The following MYLK variants were observed in gnomAD, a reference collection of about 807,000 sequenced individuals.
The protein encoded by MYLK is myosin light chain kinase, smooth muscle.
MYLK carries 106 observed loss-of-function variants against 203.4 expected under a neutral mutation model. The observed-to-expected ratio is 0.52, with a 90% CI of 0.45 to 0.61. The LOEUF is 0.61. Among genes scored for constraint, MYLK ranks in the 20% least tolerant of loss-of-function variants. The probability of loss-of-function intolerance (pLI) is 0.00; values close to 1 mark genes in which losing one functional copy is unlikely to be tolerated. For missense variants in MYLK, 2,072 were observed against 2,442.3 expected, an observed-to-expected ratio of 0.85 and a Z score of 3.20; for synonymous variants, 867 against 959.5, an observed-to-expected ratio of 0.90 and a Z score of 1.78.
intron 20 of MYLK, among the ~76,000 whole-genome samples, chr3:123,677,918 T>TATATAC (rs1273803739): frequency 0.012 from 965 of 78,598 alleles, 25 homozygotes; most frequent in African/African-American, 0.048. Flanking sequence ...TATATATATA[T>TATATAC]ACACACACAC....
intron 24 of MYLK, among the ~76,000 whole-genome samples, chr3:123,655,747 C>T (rs1250834890): frequency 1.3e-5 from 2 of 152,228 alleles, no homozygotes; most frequent in African/African-American, 4.8e-5. Flanking sequence ...AGTAGCTTCT[C>T]CCCTCTAAAT....
At chr3:123,639,237 C>T (rs747380866) in intron 28 of MYLK, among the ~76,000 whole-genome samples, 4 of 152,232 alleles carry the variant, frequency 2.6e-5, no homozygotes, top group Admixed American at 1.3e-4. Flanking sequence ...GTGAGCAGAG[C>T]AGAGCAGGCA....
At chr3:123,615,482 C>T (rs145502888) in intron 33 of MYLK, among the ~76,000 whole-genome samples, 157 of 151,726 alleles carry the variant, frequency 1.0e-3, no homozygotes, top group African/African-American at 3.4e-3. Context: ...TACAGGTGCA[C>T]GCCACGACAC....
intron 27 of MYLK, among the ~76,000 whole-genome samples, chr3:123,645,245 A>AT (rs1293390352): frequency 2.0e-5 from 3 of 152,196 alleles, no homozygotes; most frequent in Non-Finnish European, 2.9e-5. Context: ...CAATAGAATA[A>AT]CTTACTCAAG....
At chr3:123,828,911 C>A (rs1231727219) in intron 3 of MYLK, among the ~76,000 whole-genome samples, 1 of 151,980 alleles carries the variant, frequency 6.6e-6, no homozygotes, top group African/African-American at 2.4e-5. Flanking sequence ...ATCATCTTAT[C>A]CCAGTTAGAA....
intron 6 of MYLK, 81 bp from the exon 7 acceptor site, chr3:123,739,143 T>TA: frequency 6.7e-7 from 1 of 1,485,804 alleles, no homozygotes; most frequent in Non-Finnish European, 9.3e-7. Context: ...TCAAAGGCAC[T>TA]AAGTTAAGGT....
intron 19 of MYLK, chr3:123,691,222 T>C (rs1196024742): frequency 1.3e-5 from 2 of 152,142 alleles, no homozygotes; most frequent in Non-Finnish European, 2.9e-5. Context: ...AGAAACGCTA[T>C]ACTTTACAGT....
chr3:123,843,250 A>G lies in MYLK; in HGVS notation c.-126-11580T>C, dbSNP rs146320656. ...AATACTGGAAACAATGAAATCAGAC[A>G]GATTAGGAGAAATAATCATATATTT... On this transcript the variant is annotated intron_variant, in intron 2 of 33. Coordinates refer to ENST00000360304, the MANE Select transcript of MYLK (RefSeq NM_053025.4). 2.4e-3 allele frequency among the ~76,000 whole-genome samples: 361 copies of G among 152,342 alleles called. 2 individuals carry two copies. Among genetic ancestry groups the G allele is most frequent in the South Asian group, 3.3e-3 (16 of 4,828 alleles).
intron 2 of MYLK, among the ~76,000 whole-genome samples, chr3:123,841,874 G>C (rs1222736873): frequency 1.3e-5 from 2 of 152,062 alleles, no homozygotes; most frequent in African/African-American, 4.8e-5. Flanking sequence ...TATCCACTAG[G>C]AAGAGACTAG....
intron 2 of MYLK, among the ~76,000 whole-genome samples, chr3:123,873,424 T>A (rs1276615505): frequency 2.0e-5 from 3 of 152,108 alleles, no homozygotes; most frequent in Non-Finnish European, 4.4e-5. Flanking sequence ...TGTTTAACAT[T>A]ATACTGGAAA....
At chr3:123,655,582 C>T (rs182205858) in intron 24 of MYLK, among the ~76,000 whole-genome samples, 62 of 152,306 alleles carry the variant, frequency 4.1e-4, no homozygotes, top group Admixed American at 1.2e-3. Flanking sequence ...CCTCTCCTCC[C>T]AGACTGTTAT....
At chr3:123,722,035 C>T in intron 13 of MYLK, 93 bp downstream of exon 13, 5 of 1,506,098 alleles carry the variant, frequency 3.3e-6, no homozygotes, top group Non-Finnish European at 4.5e-6. Flanking sequence ...TGGATTTGAG[C>T]TCATGATACC....
intron 7 of MYLK, 34 bp from the exon 8 acceptor site, chr3:123,737,577 A>T: frequency 6.2e-7 from 1 of 1,613,522 alleles, no homozygotes. Flanking sequence ...TGGTCATACA[A>T]ATCTGCTCAC....
rs748628438 is a variant in MYLK at position 123,709,833 on chromosome 3, G to C, written c.1865C>G (p.Ala622Gly). ...LLPVAPSKPT[A>G]PIFLQGLSDL... Reference sequence around the variant, plus strand: ...AGAGAGGCCCTGCAGGAAGATGGGTGCAGTGGGCTTGCTGGGAGCCACAGG... The same window carrying C: ...AGAGAGGCCCTGCAGGAAGATGGGTCCAGTGGGCTTGCTGGGAGCCACAGG... The change falls in exon 14 of 34, where the codon GCA (alanine) becomes GGA (glycine). Residue 622 changes from alanine (A) to glycine (G), a missense_variant. By Grantham distance (60) the Ala-to-Gly change is moderately conservative (BLOSUM62 0). This residue lies in a region of MYLK where 865 missense variants were observed against 1,016.0 expected (regional missense o/e 0.85). Coordinates refer to ENST00000360304, the MANE Select transcript of MYLK (RefSeq NM_053025.4). 9.9e-6 allele frequency: 16 copies of C among 1,614,104 alleles called. No individual in the cohort carries two copies. Among genetic ancestry groups the C allele is most frequent in the Non-Finnish European group, 5.9e-6 (7 of 1,180,052 alleles).
chr3:123,772,245 C>T (rs965280991), intron 4 of MYLK, among the ~76,000 whole-genome samples: 7 of 151,964 alleles, frequency 4.6e-5, no homozygotes, highest in African/African-American at 1.7e-4. Flanking sequence ...TGTTAAAAAG[C>T]AACAATTATT....
intron 4 of MYLK, among the ~76,000 whole-genome samples, chr3:123,773,613 A>T (rs116353991): frequency 0.017 from 2,574 of 152,324 alleles, 67 homozygotes; most frequent in African/African-American, 0.055. Context: ...GGATAAAACC[A>T]AATGGGCTTC....
intron 1 of MYLK, among the ~76,000 whole-genome samples, chr3:123,882,849 A>C (rs576233681): frequency 6.6e-6 from 1 of 152,358 alleles, no homozygotes; most frequent in South Asian, 2.1e-4. Context: ...TGCCAGCAGC[A>C]TCATCCTCCA....
intron 13 of MYLK, among the ~76,000 whole-genome samples, chr3:123,711,995 G>A (rs748577801): frequency 1.1e-4 from 16 of 152,204 alleles, no homozygotes; most frequent in Non-Finnish European, 2.4e-4. Flanking sequence ...GAGAGGCTGG[G>A]AAGGTCCAGG....
chr3:123,829,734 T>G lies in MYLK; in HGVS notation c.-4+1814A>C, dbSNP rs560231934. 8.9e-4 allele frequency among the ~76,000 whole-genome samples: 136 copies of G among 152,304 alleles called. 1 individual carries two copies. The highest frequency in any genetic ancestry group is 3.1e-3 in the African/African-American group (130 of 41,568). On this transcript the variant is annotated intron_variant, in intron 3 of 33. Coordinates refer to ENST00000360304, the MANE Select transcript of MYLK (RefSeq NM_053025.4). ...ATATGCACAACTATTATTTGTAAAT[T>G]TTTTAAAATTAAATTAAATTTAAAA...
Sources: gnomAD v4.1 joint callset for allele counts (sites outside exome capture counted in the v4.1 genomes callset) on GRCh38, gnomAD v4.1.1 for gene constraint, gnomAD v4.1.1 regional missense constraint, MANE v1.5 for transcripts, NCBI Gene and HGNC (gene_info 2026-07-23, HGNC 2026-07-21) for gene names.